The following PHACTR1 variants were observed in gnomAD, a reference collection of about 807,000 sequenced individuals.
The protein encoded by PHACTR1 is phosphatase and actin regulator 1, also known as RPEL repeat containing 1.
In PHACTR1, 16 loss-of-function variants were observed where a neutral mutation model predicts 69.2. That is an observed-to-expected ratio of 0.23 (90% confidence interval 0.16 to 0.35). The LOEUF is 0.35. Among genes scored for constraint, PHACTR1 ranks in the 10% least tolerant of loss-of-function variants. PHACTR1 has a pLI of 1.00. For synonymous variants in PHACTR1, 312 were observed against 284.5 expected (o/e 1.10, Z -0.97); for missense variants, 510 against 734.7 (o/e 0.69, Z 3.54).
intron 4 of PHACTR1, among the ~76,000 whole-genome samples, chr6:12,750,233 G>A (rs1766439828): frequency 6.6e-6 from 1 of 152,174 alleles, no homozygotes; most frequent in African/African-American, 2.4e-5. Flanking sequence ...CGGTGTTGGA[G>A]TGGGGAGAGG....
rs750677667 is a variant in PHACTR1 at position 12,968,211 on chromosome 6, T to C, written c.251-85154T>C. ...CCCCCACATTCCATTTGCTAAATGA[T>C]GGTTCAGAGATAACTTCTCTACTGA... On this transcript the variant is annotated intron_variant, in intron 4 of 14. Transcript: ENST00000332995. 3.6e-4 allele frequency among the ~76,000 whole-genome samples: 55 copies of C among 152,308 alleles called. 1 individual carries two copies. Among genetic ancestry groups the C allele is most frequent in the African/African-American group, 1.3e-3 (52 of 41,570 alleles).
intron 4 of PHACTR1, among the ~76,000 whole-genome samples, chr6:12,825,752 C>T (rs1394332962): frequency 6.6e-6 from 1 of 152,176 alleles, no homozygotes; most frequent in Non-Finnish European, 1.5e-5. Context: ...CCTTCACCAT[C>T]AGTTCCTCTG....
In PHACTR1 at chr6:12,927,439, A is replaced by T. The variant is rs1473506339; in HGVS notation, c.251-125926A>T. 2.6e-5 allele frequency among the ~76,000 whole-genome samples: 4 copies of T among 152,348 alleles called. No homozygotes were observed. In the East Asian group the frequency reaches 7.7e-4, roughly 29 times the overall value. ...CAATAATACTGTATAAGCATTAAAA[A>T]AATCTCTTATATTGTAGGAACAACT... On this transcript the variant is annotated intron_variant, in intron 4 of 14. Transcript: ENST00000332995.
At chr6:12,749,024 T>A (rs1389809603) in intron 3 of PHACTR1, among the ~76,000 whole-genome samples, 1 of 152,136 alleles carries the variant, frequency 6.6e-6, no homozygotes, top group Non-Finnish European at 1.5e-5. Flanking sequence ...AGTAAGGGAG[T>A]AGAGAGGGCT....
intron 4 of PHACTR1, among the ~76,000 whole-genome samples, chr6:12,782,606 A>G (rs1401297468): frequency 6.6e-6 from 1 of 152,194 alleles, no homozygotes; most frequent in African/African-American, 2.4e-5. Context: ...GGCACATGGG[A>G]TAATTATAGG....
intron 4 of PHACTR1, among the ~76,000 whole-genome samples, chr6:12,782,370 T>G (rs9463110): frequency 0.44 from 67,188 of 151,978 alleles, 15,647 homozygotes; most frequent in African/African-American, 0.56. Context: ...CACATTCGAC[T>G]TGTCAGTTAC....
intron 7 of PHACTR1, among the ~76,000 whole-genome samples, chr6:13,189,004 C>T (rs1272289536): frequency 6.6e-6 from 1 of 152,248 alleles, no homozygotes; most frequent in Non-Finnish European, 1.5e-5. Flanking sequence ...AAGTCATCAT[C>T]AGTCACTTCT....
chr6:13,050,320 T>G (rs1805749253), intron 4 of PHACTR1, among the ~76,000 whole-genome samples: 1 of 152,212 alleles, frequency 6.6e-6, no homozygotes, highest in African/African-American at 2.4e-5. Context: ...CTTAAAACCT[T>G]CTGAATCTTT....
At chr6:12,722,861 C>T (rs1006306751) in intron 3 of PHACTR1, among the ~76,000 whole-genome samples, 7 of 152,220 alleles carry the variant, frequency 4.6e-5, no homozygotes, top group South Asian at 4.2e-4. Context: ...AATCCTAACA[C>T]GAAGGGAGTT....
Position 12,816,745 on chromosome 6 carries a change from G to C in PHACTR1, c.250+66955G>C, listed in dbSNP as rs1287016915. Among the ~76,000 whole-genome samples, 3 of 152,210 alleles carry C rather than the reference G, an allele frequency of 2.0e-5. No individual in the cohort carries two copies. The East Asian group carries it at 5.8e-4, about 29-fold the overall frequency. On this transcript the variant is annotated intron_variant, in intron 4 of 14. Coordinates refer to ENST00000332995, the MANE Select transcript of PHACTR1 (RefSeq NM_030948.6). ...TCTTCCCTATCCCAGTAACAAGCTA[G>C]AGGGGGTCAGAAAGATGTGTTGACA...
At chr6:13,259,498 A>AAGGG in intron 10 of PHACTR1, among the ~76,000 whole-genome samples, 1 of 152,330 alleles carries the variant, frequency 6.6e-6, no homozygotes, top group East Asian at 1.9e-4. Flanking sequence ...ATATTCTTTT[A>AAGGG]AGCGTAACCT....
At chr6:13,180,899 T>G (rs1762091962) in intron 6 of PHACTR1, among the ~76,000 whole-genome samples, 1 of 152,184 alleles carries the variant, frequency 6.6e-6, no homozygotes, top group Non-Finnish European at 1.5e-5. Context: ...TCTGCACTGC[T>G]TTTGCTTTCT....
chr6:12,774,797 T>A (rs1487642928), intron 4 of PHACTR1, among the ~76,000 whole-genome samples: 1 of 152,190 alleles, frequency 6.6e-6, no homozygotes, highest in African/African-American at 2.4e-5. Context: ...GACACATTAC[T>A]TCTGATAGTC....
At chr6:12,769,600 A>G (rs1335196695) in intron 4 of PHACTR1, among the ~76,000 whole-genome samples, 1 of 152,196 alleles carries the variant, frequency 6.6e-6, no homozygotes, top group Non-Finnish European at 1.5e-5. Context: ...GAGGATTATG[A>G]TAAGGCAATA....
chr6:12,870,415 C>A (rs911725464), intron 4 of PHACTR1, among the ~76,000 whole-genome samples: 9 of 152,074 alleles, frequency 5.9e-5, no homozygotes, highest in African/African-American at 2.2e-4. Context: ...CATGTTTCAT[C>A]AAGGAGATTT....
chr6:12,777,380 A>G (rs74944283), intron 4 of PHACTR1, among the ~76,000 whole-genome samples: 320 of 152,014 alleles, frequency 2.1e-3, no homozygotes, highest in African/African-American at 7.4e-3. Flanking sequence ...TAGTTTTTCA[A>G]TCCTCAGCCT....
chr6:13,145,960 C>T (rs1823285951), intron 5 of PHACTR1, among the ~76,000 whole-genome samples: 1 of 152,200 alleles, frequency 6.6e-6, no homozygotes, highest in Non-Finnish European at 1.5e-5. Context: ...ACACGAAAGC[C>T]TATCTGTACA....
At chr6:13,046,809 T>TA (rs5874398) in intron 4 of PHACTR1, among the ~76,000 whole-genome samples, 2,044 of 146,130 alleles carry the variant, frequency 0.014, 54 homozygotes, top group African/African-American at 0.045. Context: ...TTTTACTCTT[T>TA]AAAAAAAAAA....
At chr6:13,000,607 G>GGGGAGGAA (rs1797959624) in intron 4 of PHACTR1, among the ~76,000 whole-genome samples, 1 of 71,514 alleles carries the variant, frequency 1.4e-5, no homozygotes, top group Admixed American at 1.2e-4. Context: ...GAGGGAAGGA[G>GGGGAGGAA]GGAAGGGAGG....
Sources: gnomAD v4.1 joint callset for allele counts (sites outside exome capture counted in the v4.1 genomes callset) on GRCh38, gnomAD v4.1.1 for gene constraint, MANE v1.5 for transcripts, NCBI Gene and HGNC (gene_info 2026-07-23, HGNC 2026-07-21) for gene names.